Variants in HERC1 observed in about 807,000 individuals in gnomAD.
HERC1 encodes HECT and RLD domain containing E3 ubiquitin protein ligase family member 1.
In HERC1, 160 loss-of-function variants were observed where a neutral mutation model predicts 554.3. The ratio of observed to expected loss-of-function variants is 0.29; its 90% CI spans 0.25 to 0.33. The LOEUF is 0.33. HERC1 is among the 10% of genes least tolerant of loss of function. The probability of loss-of-function intolerance (pLI) is 1.00; values close to 1 mark genes in which losing one functional copy is unlikely to be tolerated. For synonymous variants in HERC1, 2,175 were observed against 2,131.7 expected (o/e 1.02, Z -0.56); for missense variants, 4,919 against 5,918.5 (o/e 0.83, Z 5.54).
At chr15:63,739,416 C>T (rs903555508) in intron 12 of HERC1, among the ~76,000 whole-genome samples, 2 of 150,918 alleles carry the variant, frequency 1.3e-5, no homozygotes, top group African/African-American at 4.9e-5. Context: ...AGGCTGGTCT[C>T]GAACTATTTA....
In HERC1 at chr15:63,727,624, G is replaced by A; in HGVS notation, c.3346+23C>T. ...ACAACTTTTCTCAAAGGCATTATTT[G>A]CTCTTTTATTGTCTTTACTTACCAT... On this transcript the variant is annotated intron_variant, in intron 17 of 77. Coordinates refer to ENST00000443617, the MANE Select transcript of HERC1 (RefSeq NM_003922.4). The surrounding 1 kb of genome is among the most constrained non-coding windows in gnomAD (Gnocchi z 4.3). The A allele has an allele frequency of 6.4e-7, 1 of 1,562,738 alleles. No homozygotes were observed.
chr15:63,795,409 A>G (rs1452937564), intron 1 of HERC1, among the ~76,000 whole-genome samples: 1 of 152,206 alleles, frequency 6.6e-6, no homozygotes, highest in Non-Finnish European at 1.5e-5. Flanking sequence ...AGCACCTAAG[A>G]TTGCAGAAGT....
At chr15:63,802,296 G>A (rs149660606) in intron 1 of HERC1, among the ~76,000 whole-genome samples, 4 of 152,254 alleles carry the variant, frequency 2.6e-5, no homozygotes, top group Admixed American at 1.3e-4. Context: ...AAACTTTTTC[G>A]TTGTTATTAT....
At chr15:63,648,959 C>T (rs1469278525) in intron 54 of HERC1, among the ~76,000 whole-genome samples, 3 of 152,212 alleles carry the variant, frequency 2.0e-5, no homozygotes, top group Non-Finnish European at 4.4e-5. Context: ...CAAAGGAACA[C>T]CACAGTAAGA....
At chr15:63,654,901 A>G (rs1260572651) in intron 50 of HERC1, among the ~76,000 whole-genome samples, 1 of 152,108 alleles carries the variant, frequency 6.6e-6, no homozygotes, top group African/African-American at 2.4e-5. Flanking sequence ...ACAACAATCA[A>G]TAGTCTTTGC....
intron 58 of HERC1, 49 bp downstream of exon 58, chr15:63,643,355 G>A (rs767884736): frequency 6.6e-7 from 1 of 1,506,542 alleles, no homozygotes; most frequent in South Asian, 1.2e-5. Context: ...ATGTGTTTAA[G>A]TTAGTGTCAA....
intron 67 of HERC1, 32 bp from the exon 68 acceptor site, chr15:63,632,843 T>C (rs749171208): frequency 7.0e-7 from 1 of 1,420,874 alleles, no homozygotes; most frequent in Non-Finnish European, 9.6e-7. Flanking sequence ...CACACAACTT[T>C]AAGAAGAAAA....
chr15:63,788,768 T>A (rs2076533893), intron 1 of HERC1, among the ~76,000 whole-genome samples: 1 of 150,856 alleles, frequency 6.6e-6, no homozygotes. Context: ...AATACAAAAA[T>A]TAGCTGGGCG....
At chr15:63,673,986 A>G (rs1284948912) in intron 38 of HERC1, among the ~76,000 whole-genome samples, 1 of 152,194 alleles carries the variant, frequency 6.6e-6, no homozygotes, top group Non-Finnish European at 1.5e-5. Context: ...CGGCCTCCCA[A>G]AGTGCTGGGA....
intron 76 of HERC1, among the ~76,000 whole-genome samples, chr15:63,614,326 T>C (rs1459724251): frequency 6.6e-6 from 1 of 152,172 alleles, no homozygotes; most frequent in African/African-American, 2.4e-5. Context: ...CTGGCAATCC[T>C]TACCTCACAG....
At chr15:63,617,470 C>A (rs572999458) in intron 74 of HERC1, among the ~76,000 whole-genome samples, 4 of 152,164 alleles carry the variant, frequency 2.6e-5, no homozygotes, top group Non-Finnish European at 5.9e-5. Flanking sequence ...AATAAACATA[C>A]GTGTGCATGT....
At chr15:63,617,005 TC>T (rs1474135249) in intron 74 of HERC1, among the ~76,000 whole-genome samples, 61 of 150,996 alleles carry the variant, frequency 4.0e-4, no homozygotes, top group African/African-American at 1.4e-3. Context: ...AAAATCATTA[TC>T]TTTTTTTTTT....
At chr15:63,616,823 A>C (rs2067838960) in intron 74 of HERC1, 141 bp from the exon 75 acceptor site, 2 of 739,074 alleles carry the variant, frequency 2.7e-6, no homozygotes, top group African/African-American at 3.5e-5. Context: ...AAAGTAATTA[A>C]ATAAAACTAA....
In HERC1 at chr15:63,692,959, T is replaced by C. The variant is rs981286091; in HGVS notation, c.5675-393A>G. Among the ~76,000 whole-genome samples the C allele has an allele frequency of 7.9e-5, 12 of 152,094 alleles. No homozygotes were observed. The highest frequency in any genetic ancestry group is 2.9e-4 in the African/African-American group (12 of 41,502). Reference sequence around the variant, plus strand: ...ACTTTGGGAGGTCGAGGCGGGCGGATCACTTGAGGTCAGGAGTTCAAGATC... The same window carrying C: ...ACTTTGGGAGGTCGAGGCGGGCGGACCACTTGAGGTCAGGAGTTCAAGATC... On this transcript the variant is annotated intron_variant, in intron 30 of 77. Transcript: ENST00000443617. This position sits in a 1 kb window ranked among gnomAD's most constrained non-coding sequence, Gnocchi z 4.7.
At chr15:63,629,449 A>C (rs1275462320) in intron 69 of HERC1, among the ~76,000 whole-genome samples, 1 of 152,200 alleles carries the variant, frequency 6.6e-6, no homozygotes, top group Non-Finnish European at 1.5e-5. Flanking sequence ...TGGAGCTTTT[A>C]CTTAAAACAC....
intron 18 of HERC1, among the ~76,000 whole-genome samples, chr15:63,723,996 T>C (rs1057369793): frequency 1.2e-4 from 18 of 152,210 alleles, no homozygotes; most frequent in African/African-American, 1.9e-4. Context: ...ATTCAACCCA[T>C]AGTATAACTG....
chr15:63,668,866 G>A (rs1595931042), intron 40 of HERC1, among the ~76,000 whole-genome samples: 1 of 152,022 alleles, frequency 6.6e-6, no homozygotes. Context: ...AGAACAAGTA[G>A]ACAAAAAAAC....
chr15:63,630,374 T>C (rs1226991324), intron 69 of HERC1, 92 bp downstream of exon 69: 3 of 1,255,850 alleles, frequency 2.4e-6, no homozygotes, highest in East Asian at 2.3e-5. Context: ...TTGCAGTAGA[T>C]TATGAATTTC....
At chr15:63,662,929 T>A (rs376599580) in intron 44 of HERC1, 55 bp downstream of exon 44, 3 of 1,364,126 alleles carry the variant, frequency 2.2e-6, no homozygotes, top group Non-Finnish European at 3.1e-6. Flanking sequence ...GTAAGCTATA[T>A]GAACAGGAGG....
Sources: gnomAD v4.1 joint callset for allele counts (sites outside exome capture counted in the v4.1 genomes callset) on GRCh38, gnomAD v4.1.1 for gene constraint, Gnocchi (gnomAD v3.1) non-coding constraint, MANE v1.5 for transcripts, NCBI Gene and HGNC (gene_info 2026-07-23, HGNC 2026-07-21) for gene names.